The following URI1 variants were observed in gnomAD, a reference collection of about 807,000 sequenced individuals.
URI1 encodes URI1 prefoldin like chaperone, also known as unconventional prefoldin RPB5 interactor 1.
In URI1, 39 loss-of-function variants were observed where a neutral mutation model predicts 60.2. The ratio of observed to expected loss-of-function variants is 0.65; its 90% confidence interval spans 0.50 to 0.85. URI1 has a LOEUF of 0.85. URI1 is among the 40% of genes least tolerant of loss of function. The probability of loss-of-function intolerance (pLI) is 0.00; values close to 1 mark genes in which losing one functional copy is unlikely to be tolerated. For missense variants in URI1, 691 were observed against 665.9 expected (o/e 1.04, Z -0.42); for synonymous variants, 251 against 236.8 (o/e 1.06, Z -0.55).
At chr19:29,984,788 G>A (rs1056713207) in intron 2 of URI1, among the ~76,000 whole-genome samples, 2 of 151,956 alleles carry the variant, frequency 1.3e-5, no homozygotes, top group African/African-American at 4.8e-5. Context: ...GATTACAGGC[G>A]TGAGCCACCA....
chr19:29,953,585 A>G (rs1203348113), intron 1 of URI1, among the ~76,000 whole-genome samples: 1 of 152,116 alleles, frequency 6.6e-6, no homozygotes, highest in Non-Finnish European at 1.5e-5. Flanking sequence ...AGATGATGCA[A>G]TATCCTAGGC....
At chr19:29,988,166 T>TC (rs2055696420) in intron 4 of URI1, among the ~76,000 whole-genome samples, 1 of 26,878 alleles carries the variant, frequency 3.7e-5, no homozygotes, top group Admixed American at 4.0e-4. Context: ...AAATTTTGTC[T>TC]CAAAAAAAAA....
chr19:29,955,981 C>CTT (rs1004370774), intron 1 of URI1, among the ~76,000 whole-genome samples: 1 of 144,962 alleles, frequency 6.9e-6, no homozygotes, highest in Non-Finnish European at 1.5e-5. Context: ...CCAGAGTAGT[C>CTT]TTTTTTTTTT....
intron 4 of URI1, among the ~76,000 whole-genome samples, chr19:29,996,757 A>G (rs1375531075): frequency 1.3e-5 from 2 of 150,138 alleles, no homozygotes; most frequent in African/African-American, 2.5e-5. Context: ...TATGGCCTTT[A>G]TTATGTTATG....
intron 1 of URI1, among the ~76,000 whole-genome samples, chr19:29,943,888 G>T (rs1278874461): frequency 2.0e-5 from 3 of 151,748 alleles, no homozygotes; most frequent in African/African-American, 7.3e-5. Context: ...AATCCCAGCT[G>T]CTTGGGATGT....
At chr19:29,924,620 G>A (rs1185161486) in intron 1 of URI1, among the ~76,000 whole-genome samples, 1 of 152,188 alleles carries the variant, frequency 6.6e-6, no homozygotes, top group Non-Finnish European at 1.5e-5. Flanking sequence ...CCCCAGGCCA[G>A]AGCTCAGCCA....
Position 29,942,524 on chromosome 19 carries a change from C to G in URI1, c.-24C>G. On this transcript the variant is annotated 5_prime_UTR_variant, in exon 1 of 11. Transcript: ENST00000392271. ...AGGCGCTGGTTCAGGACTCACACGCCGCGCTGAGGCCCGCGGGCCCGTCAT... is the reference window on the plus strand; with the variant it reads ...AGGCGCTGGTTCAGGACTCACACGCGGCGCTGAGGCCCGCGGGCCCGTCAT... The G allele has an allele frequency of 7.3e-7, 1 of 1,360,970 alleles. No homozygotes were observed. The highest frequency in any genetic ancestry group is 1.6e-5 in the South Asian group (1 of 62,408). The allele number at this position is 1,360,970 out of a possible 1,614,324, so 84.3% of individuals were successfully genotyped here.
intron 1 of URI1, among the ~76,000 whole-genome samples, chr19:29,943,093 T>C (rs1006727798): frequency 2.0e-5 from 3 of 152,128 alleles, no homozygotes; most frequent in Non-Finnish European, 2.9e-5. Context: ...TTATTTAATA[T>C]TTGTCACAAT....
chr19:30,006,125 G>A (rs2055939642), intron 6 of URI1, among the ~76,000 whole-genome samples: 2 of 152,100 alleles, frequency 1.3e-5, no homozygotes, highest in African/African-American at 4.8e-5. Context: ...GAATGTGGGT[G>A]TATTTCAGCC....
At chr19:29,942,039 C>CA (rs10534644), upstream of URI1, among the ~76,000 whole-genome samples, 28 of 147,760 alleles carry the variant, frequency 1.9e-4, no homozygotes, top group African/African-American at 2.5e-4. Flanking sequence ...TACGTAATCT[C>CA]AAAAAAAAAA....
At chr19:29,940,875 A>T (rs2055016332), upstream of URI1, among the ~76,000 whole-genome samples, 1 of 152,140 alleles carries the variant, frequency 6.6e-6, no homozygotes, top group African/African-American at 2.4e-5. Flanking sequence ...AGGGGCAGCA[A>T]GGCCAGATCA....
At chr19:29,997,311 C>T (rs1441110301) in intron 4 of URI1, among the ~76,000 whole-genome samples, 1 of 152,092 alleles carries the variant, frequency 6.6e-6, no homozygotes, top group East Asian at 1.9e-4. Flanking sequence ...TCTATTTTAT[C>T]TAAATTATCA....
At chr19:29,982,169 G>A (rs1179563799) in intron 2 of URI1, among the ~76,000 whole-genome samples, 1 of 152,094 alleles carries the variant, frequency 6.6e-6, no homozygotes, top group African/African-American at 2.4e-5. Flanking sequence ...TTCTACATGG[G>A]CTGCATTTTA....
chr19:29,985,307 T>C lies in URI1; in HGVS notation c.231+6T>C, dbSNP rs759684264. The C allele has an allele frequency of 6.2e-7, 1 of 1,601,738 alleles. No homozygotes were observed. The highest frequency in any genetic ancestry group is 1.1e-5 in the South Asian group (1 of 89,362). ...AATTGTCTTATAATATAATGGTATG[T>C]TTGGTGTGTTTCTTTTAAAGTAATA... is the stretch of plus-strand genomic sequence containing the variant. On this transcript the variant is annotated splice_donor_region_variant and intron_variant, in intron 3 of 10. Coordinates refer to ENST00000392271, the MANE Select transcript of URI1 (RefSeq NM_003796.3).
At chr19:29,927,504 C>T (rs1476147636) in intron 1 of URI1, among the ~76,000 whole-genome samples, 2 of 148,398 alleles carry the variant, frequency 1.3e-5, no homozygotes, top group Non-Finnish European at 3.0e-5. Context: ...TCAGGTGATC[C>T]ACCTGTCTCG....
chr19:29,995,552 TAAA>T (rs34134350), intron 4 of URI1, among the ~76,000 whole-genome samples: 1 of 147,624 alleles, frequency 6.8e-6, no homozygotes, highest in Non-Finnish European at 1.5e-5. Flanking sequence ...TTGTCTTACT[TAAA>T]AAAAAAAATA....
chr19:29,942,528 C>G lies in URI1; in HGVS notation c.-20C>G. The G allele has an allele frequency of 6.5e-6, 9 of 1,376,870 alleles. No individual in the cohort carries two copies. Among genetic ancestry groups the G allele is most frequent in the South Asian group, 6.2e-5 (4 of 64,816 alleles). The allele number at this position is 1,376,870 out of a possible 1,614,324, so 85.3% of individuals were successfully genotyped here. A position where few individuals can be genotyped will look rare whatever the true frequency, so the allele number is the denominator to read the frequency against. ...GCTGGTTCAGGACTCACACGCCGCG[C>G]TGAGGCCCGCGGGCCCGTCATGGAG... is the stretch of plus-strand genomic sequence containing the variant. On this transcript the variant is annotated 5_prime_UTR_variant, in exon 1 of 11. Coordinates refer to ENST00000392271, the MANE Select transcript of URI1 (RefSeq NM_003796.3).
intron 1 of URI1, among the ~76,000 whole-genome samples, chr19:29,968,431 ATACT>A (rs983775950): frequency 6.6e-6 from 1 of 152,104 alleles, no homozygotes; most frequent in Non-Finnish European, 1.5e-5. Context: ...TTAAAATTTA[ATACT>A]TAAAGTAATT....
rs148843009 is a variant in URI1 at position 29,930,216 on chromosome 19, C to T, written c.63+6462C>T. Among the ~76,000 whole-genome samples the T allele has an allele frequency of 6.9e-4, 105 of 152,068 alleles. 1 individual carries two copies. Among genetic ancestry groups the T allele is most frequent in the African/African-American group, 2.0e-3 (84 of 41,496 alleles). On this transcript the variant is annotated intron_variant, in intron 1 of 10. Coordinates refer to the URI1 transcript ENST00000360605. ...ATCCTCCCAAAGTGCTGGGATTACA[C>T]GCATGAACCAATGAGCCCGGTTGAT... is the stretch of plus-strand genomic sequence containing the variant.
Sources: gnomAD v4.1 joint callset for allele counts (sites outside exome capture counted in the v4.1 genomes callset) on GRCh38, gnomAD v4.1.1 for gene constraint, MANE v1.5 for transcripts, NCBI Gene and HGNC (gene_info 2026-07-23, HGNC 2026-07-21) for gene names.